GSE1: variants seen among roughly 807,000 people sequenced by gnomAD.
The protein encoded by GSE1 is Gse1 coiled-coil protein, also known as genetic suppressor element 1.
In GSE1, 32 loss-of-function variants were observed where a neutral mutation model predicts 112.6. The ratio of observed to expected loss-of-function variants is 0.28; its 90% confidence interval spans 0.21 to 0.38. The LOEUF is 0.38. Among genes scored for constraint, GSE1 ranks in the 10% least tolerant of loss-of-function variants. GSE1 has a pLI of 1.00. For synonymous variants in GSE1, 1,115 were observed against 735.6 expected, an observed-to-expected ratio of 1.52 and a Z score of -8.35; for missense variants, 2,348 against 1,699.2, an observed-to-expected ratio of 1.38 and a Z score of -6.71.
At chr16:85,672,275 GT>G (rs756704403) in intron 15 of GSE1, 129 bp from the exon 16 acceptor site, 1 of 693,828 alleles carries the variant, frequency 1.4e-6, no homozygotes, top group African/African-American at 1.8e-5. Flanking sequence ...GATTACAGGC[GT>G]GAGCCACCAC....
intron 1 of GSE1, among the ~76,000 whole-genome samples, chr16:85,279,710 C>T (rs953358701): frequency 6.6e-6 from 1 of 152,144 alleles, no homozygotes. Flanking sequence ...TCCATGGGGC[C>T]TCCTGAGCAC....
At chr16:85,417,402 T>TCA (rs1183184956) in intron 2 of GSE1, among the ~76,000 whole-genome samples, 1 of 152,154 alleles carries the variant, frequency 6.6e-6, no homozygotes, top group Non-Finnish European at 1.5e-5. Flanking sequence ...AGACCCGAGC[T>TCA]GGAAGAAGAT....
chr16:85,473,698 C>T (rs2050365173), intron 2 of GSE1, among the ~76,000 whole-genome samples: 1 of 152,220 alleles, frequency 6.6e-6, no homozygotes, highest in Non-Finnish European at 1.5e-5. Context: ...CACTTAACCA[C>T]ATCTGCAAAG....
At chr16:85,276,986 A>G (rs1176168206) in intron 1 of GSE1, among the ~76,000 whole-genome samples, 1 of 151,994 alleles carries the variant, frequency 6.6e-6, no homozygotes, top group African/African-American at 2.4e-5. Flanking sequence ...CTTTGTTCTG[A>G]GAGCAGGGGG....
intron 2 of GSE1, among the ~76,000 whole-genome samples, chr16:85,454,171 C>G (rs541438686): frequency 6.6e-6 from 1 of 152,248 alleles, no homozygotes; most frequent in Non-Finnish European, 1.5e-5. Flanking sequence ...TTATTAAGGA[C>G]TGGCAGCGTG....
intron 2 of GSE1, among the ~76,000 whole-genome samples, chr16:85,443,982 C>CTTTT (rs67916368): frequency 0.029 from 2,224 of 77,572 alleles, 202 homozygotes; most frequent in South Asian, 0.051. Context: ...CAAGGGGGCG[C>CTTTT]TTTTTTTTTT....
intron 1 of GSE1, among the ~76,000 whole-genome samples, chr16:85,332,515 G>A (rs1567694175): frequency 1.3e-5 from 2 of 152,160 alleles, no homozygotes; most frequent in Non-Finnish European, 2.9e-5. Flanking sequence ...ATAGCCAGCA[G>A]CTCTTGGTTA....
chr16:85,436,469 T>C (rs1016853946), intron 2 of GSE1, among the ~76,000 whole-genome samples: 2 of 152,258 alleles, frequency 1.3e-5, no homozygotes, highest in Admixed American at 6.5e-5. Context: ...GGTTGATCTT[T>C]CATTTTACTT....
At chr16:85,443,627 G>A (rs1299344161) in intron 2 of GSE1, among the ~76,000 whole-genome samples, 1 of 152,276 alleles carries the variant, frequency 6.6e-6, no homozygotes, top group Non-Finnish European at 1.5e-5. Flanking sequence ...TGTTCCCGTG[G>A]CGTGTGCCGA....
chr16:85,520,860 CAG>C (rs2052159474), intron 2 of GSE1, among the ~76,000 whole-genome samples: 1 of 152,188 alleles, frequency 6.6e-6, no homozygotes, highest in African/African-American at 2.4e-5. Flanking sequence ...GAAGGAGAAA[CAG>C]GGCAGCGTCC....
intron 1 of GSE1, among the ~76,000 whole-genome samples, chr16:85,620,129 A>G (rs1253257649): frequency 1.3e-5 from 2 of 152,082 alleles, no homozygotes; most frequent in African/African-American, 4.8e-5. Context: ...AAATAAAAAT[A>G]AAAAGAACTG....
At chr16:85,652,410 G>A (rs2051439452) in intron 3 of GSE1, among the ~76,000 whole-genome samples, 1 of 152,198 alleles carries the variant, frequency 6.6e-6, no homozygotes, top group African/African-American at 2.4e-5. Flanking sequence ...GTGCCCATGT[G>A]TACCTCCCAC....
chr16:85,529,175 G>A (rs2052466591), intron 2 of GSE1, among the ~76,000 whole-genome samples: 2 of 152,142 alleles, frequency 1.3e-5, no homozygotes, highest in African/African-American at 4.8e-5. Context: ...GGTTAATCGT[G>A]TGTGGGACTG....
chr16:85,184,642 T>G (rs754708572), intron 1 of GSE1, among the ~76,000 whole-genome samples: 8 of 152,244 alleles, frequency 5.3e-5, no homozygotes, highest in Non-Finnish European at 7.3e-5. Flanking sequence ...CCACACTTTG[T>G]GATAAGTCAT....
chr16:85,452,782 C>T (rs985051714), intron 2 of GSE1, among the ~76,000 whole-genome samples: 7 of 152,202 alleles, frequency 4.6e-5, no homozygotes, highest in Admixed American at 4.6e-4. Flanking sequence ...TCTTTCCCAG[C>T]AGTGGTAGTG....
rs773548692 is a variant in GSE1 at position 85,661,698 on chromosome 16, G to C, written c.2193G>C (p.Gln731His). The change falls in exon 9 of 16, where the codon CAG becomes CAC. Residue 731 changes from glutamine (Q) to histidine (H), a missense_variant. Physicochemically the swap from Gln to His is conservative, Grantham distance 24. Transcript: ENST00000253458. ...DPAYIYDEFL[Q>H]QRRRLVSKLD... ...CCTACATCTATGATGAGTTCCTGCAGCAGCGCCGGAGGCTGGTCAGCAAGC... is the reference window on the plus strand; with the variant it reads ...CCTACATCTATGATGAGTTCCTGCACCAGCGCCGGAGGCTGGTCAGCAAGC... 6.2e-7 allele frequency: 1 copy of C among 1,605,036 alleles called. No individual in the cohort carries two copies. The highest frequency in any genetic ancestry group is 8.5e-7 in the Non-Finnish European group (1 of 1,176,078).
chr16:85,566,698 T>A (rs959949668), intron 1 of GSE1, among the ~76,000 whole-genome samples: 3 of 152,226 alleles, frequency 2.0e-5, no homozygotes, highest in African/African-American at 7.2e-5. Context: ...TTGTCATTCT[T>A]GTCCTGTAAT....
intron 1 of GSE1, among the ~76,000 whole-genome samples, chr16:85,304,984 C>T (rs1026239003): frequency 1.3e-5 from 2 of 152,222 alleles, no homozygotes; most frequent in Non-Finnish European, 2.9e-5. Flanking sequence ...ACACCCTTCT[C>T]AGGCCCGCCC....
chr16:85,591,606 G>C (rs2047005866), intron 1 of GSE1, among the ~76,000 whole-genome samples: 2 of 152,228 alleles, frequency 1.3e-5, no homozygotes, highest in Admixed American at 6.5e-5. Flanking sequence ...CCTCCCCTCT[G>C]ACCCTGAGAT....
Sources: gnomAD v4.1 joint callset for allele counts (sites outside exome capture counted in the v4.1 genomes callset) on GRCh38, gnomAD v4.1.1 for gene constraint, MANE v1.5 for transcripts, NCBI Gene and HGNC (gene_info 2026-07-23, HGNC 2026-07-21) for gene names.